The following TGM4 variants were observed in gnomAD, a reference collection of about 807,000 sequenced individuals.
TGM4 encodes the protein protein-glutamine gamma-glutamyltransferase 4.
TGM4 carries 61 observed loss-of-function variants against 76.3 expected under a neutral mutation model. The ratio of observed to expected loss-of-function variants is 0.80; its 90% CI spans 0.65 to 0.99. The LOEUF is 0.99. Among genes scored for constraint, TGM4 ranks in the 50% least tolerant of loss-of-function variants. The pLI, the probability that TGM4 is intolerant of heterozygous loss-of-function variation, is 0.00. For missense variants in TGM4, 794 were observed against 843.2 expected, an observed-to-expected ratio of 0.94 and a Z score of 0.72; for synonymous variants, 337 against 329.8, an observed-to-expected ratio of 1.02 and a Z score of -0.24.
intron 3 of TGM4, among the ~76,000 whole-genome samples, chr3:44,889,705 T>A (rs1425738876): frequency 2.0e-5 from 3 of 152,252 alleles, no homozygotes; most frequent in Non-Finnish European, 4.4e-5. Context: ...CAGCTATTAT[T>A]TATCCTAAAA....
In TGM4 at chr3:44,896,744, G is replaced by C. The variant is rs1462524773; in HGVS notation, c.585G>C (p.Leu195=). 1.2e-6 allele frequency: 2 copies of C among 1,614,146 alleles called. No individual in the cohort carries two copies. Among genetic ancestry groups the C allele is most frequent in the Non-Finnish European group, 1.7e-6 (2 of 1,180,028 alleles). ...EKNVLDCCIS[L]LTESSLKPTD... ...ATGTCCTGGACTGCTGCATTTCCCT[G>C]CTGACTGAGAGCTCCCTCAAGCCCA... The change falls in exon 6 of 14, where the codon CTG becomes CTC. Residue 195 remains leucine, a synonymous_variant. Coordinates refer to ENST00000296125, the MANE Select transcript of TGM4 (RefSeq NM_003241.4).
intron 1 of TGM4, among the ~76,000 whole-genome samples, chr3:44,884,139 C>T (rs7621750): frequency 6.6e-6 from 1 of 152,174 alleles, no homozygotes; most frequent in African/African-American, 2.4e-5. Flanking sequence ...TTACCATGCC[C>T]TCTGCACACT....
chr3:44,904,052 T>C, intron 9 of TGM4, 65 bp downstream of exon 9: 3 of 1,422,274 alleles, frequency 2.1e-6, no homozygotes, highest in Non-Finnish European at 2.9e-6. Context: ...CAGGGTTCTG[T>C]GGGTCTTGGG....
Position 44,913,882 on chromosome 3 carries a change from C to A in TGM4, c.*157C>A. On this transcript the variant is annotated 3_prime_UTR_variant, in exon 14 of 14. Coordinates refer to ENST00000296125, the MANE Select transcript of TGM4 (RefSeq NM_003241.4). ...CCAACACAACCATAAGCAGCCAGAC[C>A]CACAAGGCCAGGTCCTGTGCTATCA... The A allele has an allele frequency of 2.0e-6, 2 of 986,180 alleles. No individual in the cohort carries two copies. The highest frequency in any genetic ancestry group is 5.1e-5 in the East Asian group (2 of 39,460). 61.1% of individuals were successfully genotyped at this position (986,180 alleles called of 1,614,324 possible).
intron 4 of TGM4, among the ~76,000 whole-genome samples, chr3:44,891,904 G>A (rs147127632): frequency 1.3e-5 from 2 of 151,042 alleles, no homozygotes; most frequent in East Asian, 3.9e-4. Context: ...GAACCCGGGA[G>A]GCAGAACTTG....
rs752570416 is a variant in TGM4 at position 44,885,366 on chromosome 3, G to A, written c.61G>A (p.Ala21Thr). The A allele has an allele frequency of 1.7e-5, 28 of 1,613,554 alleles. No individual in the cohort carries two copies. Among genetic ancestry groups the A allele is most frequent in the Admixed American group, 1.2e-4 (7 of 59,976 alleles). ...LHIDFLNQDN[A>T]VSHHTWEFQT... ...CATTGACTTCTTGAATCAGGACAAC[G>A]CCGTTTCTCACCACACATGGGAGTT... The change falls in exon 2 of 14, where the codon GCC (alanine) becomes ACC (threonine). Residue 21 changes from alanine to threonine, a missense_variant. By Grantham distance (58) the Ala-to-Thr change is moderately conservative (BLOSUM62 0). Transcript: ENST00000296125.
intron 1 of TGM4, among the ~76,000 whole-genome samples, chr3:44,879,261 C>CTA (rs1185276628): frequency 0.01 from 944 of 93,176 alleles, 4 homozygotes; most frequent in Middle Eastern, 0.018. Flanking sequence ...CTCTCTCTCT[C>CTA]TCTCTATATA....
At chr3:44,907,460 G>T (rs1246337045) in intron 10 of TGM4, among the ~76,000 whole-genome samples, 1 of 152,128 alleles carries the variant, frequency 6.6e-6, no homozygotes, top group Non-Finnish European at 1.5e-5. Context: ...TCCAGCCTGG[G>T]TGACAGAGCA....
rs752842945 is a variant in TGM4, at chr3:44,901,980, TTC to T, written c.971+51_971+52del. On this transcript the variant is annotated intron_variant, in intron 8 of 13. Coordinates refer to ENST00000296125, the MANE Select transcript of TGM4 (RefSeq NM_003241.4). ...GCCCTGTCTCCTTCTCCCAGGAATT[TTC>T]TTTTTTCTTTTTAGAAACAGGGTCT... 8 of 1,585,248 alleles carry T rather than the reference TTC, an allele frequency of 5.0e-6. No individual in the cohort carries two copies. In the South Asian group the frequency reaches 6.9e-5, roughly 14 times the overall value.
chr3:44,880,311 A>G (rs954634798), intron 1 of TGM4, among the ~76,000 whole-genome samples: 6 of 152,368 alleles, frequency 3.9e-5, no homozygotes, highest in African/African-American at 1.4e-4. Flanking sequence ...TAAACCAGTG[A>G]CAACTGTGAC....
intron 1 of TGM4, among the ~76,000 whole-genome samples, chr3:44,880,781 C>A (rs923166326): frequency 1.3e-5 from 2 of 152,150 alleles, no homozygotes; most frequent in African/African-American, 2.4e-5. Flanking sequence ...ATCTCTTATT[C>A]TCACCCAGAC....
intron 3 of TGM4, 194 bp from the exon 4 acceptor site, chr3:44,890,409 C>A: frequency 1.5e-6 from 1 of 670,886 alleles, no homozygotes; most frequent in Non-Finnish European, 2.5e-6. Flanking sequence ...CTGTATGGAG[C>A]TGCTTTTCTG....
intron 5 of TGM4, among the ~76,000 whole-genome samples, chr3:44,895,178 C>T (rs576372093): frequency 7.2e-5 from 11 of 152,138 alleles, no homozygotes; most frequent in African/African-American, 2.7e-4. Flanking sequence ...GCCTGTAATC[C>T]CAGCTACTTG....
intron 1 of TGM4, among the ~76,000 whole-genome samples, chr3:44,883,964 T>C (rs1006774429): frequency 6.6e-6 from 1 of 152,182 alleles, no homozygotes; most frequent in South Asian, 2.1e-4. Context: ...CACCTCACTT[T>C]ACCTCACAGG....
intron 9 of TGM4, among the ~76,000 whole-genome samples, chr3:44,905,435 C>A (rs550000495): frequency 6.6e-6 from 1 of 152,186 alleles, no homozygotes; most frequent in Non-Finnish European, 1.5e-5. Flanking sequence ...ACTCCTGCAG[C>A]CCCTGAAGTA....
At chr3:44,912,724 A>AT (rs1439609412) in intron 13 of TGM4, among the ~76,000 whole-genome samples, 1 of 151,988 alleles carries the variant, frequency 6.6e-6, no homozygotes, top group East Asian at 1.9e-4. Flanking sequence ...GGAATATGAG[A>AT]TTTTCCCATT....
At chr3:44,911,440 T>C (rs767846593) in intron 13 of TGM4, 34 bp downstream of exon 13, 1 of 1,611,260 alleles carries the variant, frequency 6.2e-7, no homozygotes, top group Non-Finnish European at 8.5e-7. Context: ...AGAAATATGC[T>C]TCTGGACATA....
chr3:44,910,059 C>CT (rs757812231), intron 10 of TGM4, 31 bp from the exon 11 acceptor site: 2 of 1,600,942 alleles, frequency 1.2e-6, no homozygotes, highest in East Asian at 4.5e-5. Flanking sequence ...GAAGGAGCAC[C>CT]TGAAGGAAGC....
At chr3:44,903,585 C>T in intron 8 of TGM4, 1 of 376,640 alleles carries the variant, frequency 2.7e-6, no homozygotes, top group South Asian at 3.9e-5. Flanking sequence ...TTCGAGTTCA[C>T]CATCTCTAGT....
Sources: allele counts gnomAD v4.1 joint callset (sites outside exome capture counted in the v4.1 genomes callset), GRCh38; gene constraint gnomAD v4.1.1; transcripts MANE v1.5; gene names NCBI Gene and HGNC (gene_info 2026-07-23, HGNC 2026-07-21).